KIF1A: variants seen among roughly 807,000 people sequenced by gnomAD.
KIF1A encodes the protein kinesin family member 1A, also known as kinesin-like protein KIF1A.
Under a neutral mutation model 227.3 loss-of-function variants are expected in KIF1A, and 46 were observed. The observed-to-expected ratio is 0.20, with a 90% CI of 0.16 to 0.26. The LOEUF is 0.26. Ranked by LOEUF, KIF1A falls within the 10% of genes least tolerant of loss-of-function variation. KIF1A has a pLI of 1.00. For missense variants in KIF1A, 1,683 were observed against 2,485.9 expected (o/e 0.68, Z 6.87); for synonymous variants, 1,022 against 1,012.8 (o/e 1.01, Z -0.17).
chr2:240,762,902 A>G (rs2050702253), intron 22 of KIF1A, 90 bp from the exon 23 acceptor site: 1 of 1,408,776 alleles, frequency 7.1e-7, no homozygotes, highest in Non-Finnish European at 9.7e-7. Flanking sequence ...ACCACATCCC[A>G]CTGTTTAGAT....
rs1230170683 is a variant in KIF1A, at chr2:240,742,935, T to G, written c.3634A>C (p.Lys1212Gln). The G allele has an allele frequency of 6.2e-7, 1 of 1,611,532 alleles. No individual in the cohort carries two copies. The highest frequency in any genetic ancestry group is 1.1e-5 in the South Asian group (1 of 90,354). The change falls in exon 34 of 49, where the codon AAG becomes CAG. Residue 1212 changes from lysine to glutamine, a missense_variant. Transcript: ENST00000498729. ...CTCCAGAGACCCTTCCTACCTGGCT[T>G]GGACAGTGGCATGACCCGAGGGAAG... is the stretch of plus-strand genomic sequence containing the variant. The part of the protein sequence containing the change: ...RHFPRVMPLS[K>Q]PVPATKLSTL...
In KIF1A at chr2:240,797,812, C is replaced by T; in HGVS notation, c.-60G>A. The T allele has an allele frequency of 9.4e-7, 1 of 1,059,138 alleles. No homozygotes were observed. Among genetic ancestry groups the T allele is most frequent in the Non-Finnish European group, 1.4e-6 (1 of 715,548 alleles). The allele number at this position is 1,059,138 out of a possible 1,614,324, so 65.6% of individuals were successfully genotyped here. A position where few individuals can be genotyped will look rare whatever the true frequency, so the allele number is the denominator to read the frequency against. ...TGGGAGCCCCAGTGTGGGGGGAACACCTTGGAAAAAAGGGAAACATGAATT... is the reference window on the plus strand; with the variant it reads ...TGGGAGCCCCAGTGTGGGGGGAACATCTTGGAAAAAAGGGAAACATGAATT... On this transcript the variant is annotated splice_region_variant and 5_prime_UTR_variant, in exon 2 of 49. It adds an upstream start codon to the 5' untranslated region. Transcript: ENST00000498729.
At chr2:240,807,805 T>C (rs1486825214) in intron 1 of KIF1A, among the ~76,000 whole-genome samples, 2 of 151,986 alleles carry the variant, frequency 1.3e-5, no homozygotes, top group Non-Finnish European at 2.9e-5. Flanking sequence ...CAGTAACAAA[T>C]AAAAAGGGCA....
intron 43 of KIF1A, 150 bp from the exon 44 acceptor site, chr2:240,722,034 C>T (rs1195186316): frequency 3.2e-5 from 21 of 653,244 alleles, no homozygotes; most frequent in South Asian, 8.9e-5. Flanking sequence ...ACCTCCACCC[C>T]GCCCAGGTCA....
intron 38 of KIF1A, among the ~76,000 whole-genome samples, chr2:240,730,891 G>C (rs1245915371): frequency 1.3e-5 from 2 of 152,164 alleles, no homozygotes; most frequent in Admixed American, 6.5e-5. Context: ...GCACCCCTGA[G>C]GGCCGCAGCA....
chr2:240,746,222 G>A (rs550253333), intron 29 of KIF1A, 45 bp from the exon 30 acceptor site: 171 of 1,545,416 alleles, frequency 1.1e-4, no homozygotes, highest in Non-Finnish European at 1.3e-4. Flanking sequence ...GGAGCCAGCC[G>A]AGGAGGGGCA....
chr2:240,772,454 G>T, intron 14 of KIF1A, 116 bp downstream of exon 14: 1 of 835,898 alleles, frequency 1.2e-6, no homozygotes, highest in East Asian at 2.7e-5. Flanking sequence ...CCAAAAAGGA[G>T]AAGAAAGCAG....
chr2:240,769,970 G>A (rs936551327), intron 15 of KIF1A, among the ~76,000 whole-genome samples: 1 of 152,166 alleles, frequency 6.6e-6, no homozygotes, highest in African/African-American at 2.4e-5. Flanking sequence ...TCTGAGCCTC[G>A]GCTCCTAAAG....
In KIF1A at chr2:240,788,025, GC is replaced by G. The variant is rs1198985897; in HGVS notation, c.363+25del. 4 of 1,466,760 alleles carry G rather than the reference GC, an allele frequency of 2.7e-6. No homozygotes were observed. The highest frequency in any genetic ancestry group is 2.8e-6 in the Non-Finnish European group (3 of 1,073,792). 90.9% of individuals were successfully genotyped at this position (1,466,760 alleles called of 1,614,324 possible). ...TGGTCCCGCCCCATCTGCCAGGGCT[GC>G]CCCCGCCCGCCCCCCGCTTCGTGCC... is the stretch of plus-strand genomic sequence containing the variant. On this transcript the variant is annotated intron_variant, in intron 4 of 48. Transcript: ENST00000498729. The surrounding 1 kb of genome is among the most constrained non-coding windows in gnomAD (Gnocchi z 6.6).
chr2:240,807,497 G>T (rs2057533338), intron 1 of KIF1A, among the ~76,000 whole-genome samples: 2 of 152,134 alleles, frequency 1.3e-5, no homozygotes. Flanking sequence ...AATACAATGT[G>T]AATGCTATGT....
intron 44 of KIF1A, among the ~76,000 whole-genome samples, 180 bp downstream of exon 44, chr2:240,721,626 AC>A (rs2045396273): frequency 6.6e-6 from 1 of 152,046 alleles, no homozygotes; most frequent in Non-Finnish European, 1.5e-5. Context: ...CCTCCCATGG[AC>A]CCCAGGCCGA....
intron 25 of KIF1A, among the ~76,000 whole-genome samples, chr2:240,759,223 A>G (rs2050219695): frequency 6.6e-6 from 1 of 151,908 alleles, no homozygotes; most frequent in South Asian, 2.1e-4. Flanking sequence ...TATTTTCTGT[A>G]TCTTGTGATG....
intron 14 of KIF1A, 34 bp downstream of exon 14, chr2:240,772,536 C>A: frequency 6.5e-7 from 1 of 1,540,220 alleles, no homozygotes; most frequent in Non-Finnish European, 8.8e-7. Context: ...GGGCTGGAAG[C>A]AGAGATGCAG....
Position 240,775,756 on chromosome 2 carries a change from C to G in KIF1A, c.958+95G>C, listed in dbSNP as rs2052644489. ...GCCTCAGCCCAGAAAGGGTGAGAGGCCTGCTGGCGACTGGGCACCCCCTCA... is the reference window on the plus strand; with the variant it reads ...GCCTCAGCCCAGAAAGGGTGAGAGGGCTGCTGGCGACTGGGCACCCCCTCA... On this transcript the variant is annotated intron_variant, in intron 11 of 48. Transcript: ENST00000498729. The surrounding 1 kb of genome is among the most constrained non-coding windows in gnomAD (Gnocchi z 5.5). 3 of 825,302 alleles carry G rather than the reference C, an allele frequency of 3.6e-6. No individual in the cohort carries two copies. Among genetic ancestry groups the G allele is most frequent in the South Asian group, 2.9e-5 (2 of 69,380 alleles). 51.1% of individuals were successfully genotyped at this position (825,302 alleles called of 1,614,324 possible).
chr2:240,806,920 G>C (rs1010628511), intron 1 of KIF1A, among the ~76,000 whole-genome samples: 12 of 151,996 alleles, frequency 7.9e-5, no homozygotes, highest in Admixed American at 6.6e-4. Flanking sequence ...TGAGAATGGA[G>C]GAAAGAGAGG....
chr2:240,786,094 G>A (rs1377083212), intron 6 of KIF1A, among the ~76,000 whole-genome samples: 1 of 152,212 alleles, frequency 6.6e-6, no homozygotes, highest in Non-Finnish European at 1.5e-5. Context: ...CTCAGCCGGA[G>A]GACGCAGACC....
chr2:240,769,635 C>G lies in KIF1A; in HGVS notation c.1413G>C (p.Arg471=), dbSNP rs767034708. 2 of 1,613,298 alleles carry G rather than the reference C, an allele frequency of 1.2e-6. No individual in the cohort carries two copies. The highest frequency in any genetic ancestry group is 1.7e-6 in the Non-Finnish European group (2 of 1,179,658). Residue 471 remains arginine (R), a synonymous_variant, in exon 16 of 49, where the codon CGG becomes CGC. Transcript: ENST00000498729. Reference sequence around the variant, plus strand: ...GTTTCCCCGCTGCACACCTCTCCATCCGGATGGCTTCTGTCCGCCGCAGCT... The same window carrying G: ...GTTTCCCCGCTGCACACCTCTCCATGCGGATGGCTTCTGTCCGCCGCAGCT... ...EEKLRRTEAI[R]MEREALLAEM... is the part of the protein sequence containing the mutation.
At chr2:240,761,462 C>T (rs546814094) in intron 23 of KIF1A, 85 bp from the exon 24 acceptor site, 21 of 1,347,280 alleles carry the variant, frequency 1.6e-5, no homozygotes, top group African/African-American at 1.0e-4. Flanking sequence ...TCAGGCTGGT[C>T]GGCCACTCCA....
At chr2:240,746,331 G>C (rs1312000871) in intron 29 of KIF1A, among the ~76,000 whole-genome samples, 154 bp from the exon 30 acceptor site, 1 of 152,182 alleles carries the variant, frequency 6.6e-6, no homozygotes, top group Non-Finnish European at 1.5e-5. Flanking sequence ...CTGCCTTGTA[G>C]GGGGGCATCC....
Sources: allele counts gnomAD v4.1 joint callset (sites outside exome capture counted in the v4.1 genomes callset), GRCh38; gene constraint gnomAD v4.1.1; non-coding constraint Gnocchi (gnomAD v3.1); transcripts MANE v1.5; gene names NCBI Gene and HGNC (gene_info 2026-07-23, HGNC 2026-07-21).